EFEMP2: variants seen among roughly 807,000 people sequenced by gnomAD.
EFEMP2 encodes EGF-containing fibulin-like extracellular matrix protein 2.
In EFEMP2, 21 loss-of-function variants were observed where a neutral mutation model predicts 55.3. The observed-to-expected ratio is 0.38, with a 90% CI of 0.27 to 0.55. The LOEUF (loss-of-function observed/expected upper bound fraction) is 0.55. Among genes scored for constraint, EFEMP2 ranks in the 20% least tolerant of loss-of-function variants. The pLI, the probability that EFEMP2 is intolerant of heterozygous loss-of-function variation, is 0.77. For missense variants in EFEMP2, 513 were observed against 615.1 expected, an observed-to-expected ratio of 0.83 and a Z score of 1.76; for synonymous variants, 275 against 242.3, an observed-to-expected ratio of 1.14 and a Z score of -1.25.
intron 3 of EFEMP2, chr11:65,871,609 G>A (rs1053854833): frequency 6.7e-6 from 4 of 601,402 alleles, no homozygotes; most frequent in Non-Finnish European, 1.2e-5. Flanking sequence ...CCCTCCCCAC[G>A]GCCCTAGCCC....
intron 7 of EFEMP2, chr11:65,869,162 G>A: frequency 4.6e-6 from 1 of 218,838 alleles, no homozygotes; most frequent in South Asian, 6.9e-5. Flanking sequence ...TTTACAGGGT[G>A]TAAGAAGTCT....
At chr11:65,868,740 C>T in intron 7 of EFEMP2, 111 bp from the exon 8 acceptor site, 2 of 1,461,622 alleles carry the variant, frequency 1.4e-6, no homozygotes, top group South Asian at 2.4e-5. Flanking sequence ...TGTAGGAAGA[C>T]AGAGGGGGAT....
At chr11:65,867,566 C>G (rs1859876269) in intron 10 of EFEMP2, 1 of 489,650 alleles carries the variant, frequency 2.0e-6, no homozygotes, top group African/African-American at 1.9e-5. Flanking sequence ...AGTGGACTTT[C>G]TGACCCCAGG....
rs1350365370 is a variant in EFEMP2 at position 65,866,855 on chromosome 11, C to G, written c.*63G>C. On this transcript the variant is annotated 3_prime_UTR_variant, in exon 11 of 11. Coordinates refer to ENST00000307998, the MANE Select transcript of EFEMP2 (RefSeq NM_016938.5). Reference sequence around the variant, plus strand: ...TTCTCCCTTTATTGCCTTTCTCATTCTGCCCCTCACAACAGGCTCCTCAGC... The same window carrying G: ...TTCTCCCTTTATTGCCTTTCTCATTGTGCCCCTCACAACAGGCTCCTCAGC... 3 of 1,593,454 alleles carry G rather than the reference C, an allele frequency of 1.9e-6. No individual in the cohort carries two copies. Among genetic ancestry groups the G allele is most frequent in the Admixed American group, 1.7e-5 (1 of 59,428 alleles).
At chr11:65,869,833 A>C (rs1477081697) in intron 7 of EFEMP2, 24 bp downstream of exon 7, 2 of 1,613,274 alleles carry the variant, frequency 1.2e-6, no homozygotes, top group Non-Finnish European at 1.7e-6. Flanking sequence ...ACAGAGGAGT[A>C]CACAGCAGGG....
At position 65,870,159 on chromosome 11, in the gene EFEMP2, G is replaced by A. The variant is rs562466098; in HGVS notation, c.569C>T (p.Pro190Leu). The A allele has an allele frequency of 7.4e-6, 12 of 1,613,832 alleles. No individual in the cohort carries two copies. The highest frequency in any genetic ancestry group is 4.4e-5 in the South Asian group (4 of 91,070). ...GTTGTTAGGCCCCAGCTGGAAGCCC[G>A]GCTCGCACTGGCAGCGGAAGGAGCC... ...LPGSFRCQCEPGFQLGPNNRS... is the reference protein window; with the variant it reads ...LPGSFRCQCELGFQLGPNNRS... Residue 190 changes from proline (P) to leucine (L), a missense_variant, in exon 6 of 11, where the codon CCG (proline) becomes CTG (leucine). Transcript: ENST00000307998.
chr11:65,871,555 T>C, intron 3 of EFEMP2, 192 bp from the exon 4 acceptor site: 1 of 627,198 alleles, frequency 1.6e-6, no homozygotes, highest in Admixed American at 2.6e-5. Context: ...GGGGCAGCTG[T>C]TCCCACTGTT....
chr11:65,868,764 A>G (rs903410493), intron 7 of EFEMP2, 135 bp from the exon 8 acceptor site: 4 of 1,298,690 alleles, frequency 3.1e-6, no homozygotes, highest in African/African-American at 2.9e-5. Flanking sequence ...ACAAGCCACA[A>G]GTTCAGCCGG....
intron 5 of EFEMP2, 86 bp from the exon 6 acceptor site, chr11:65,870,323 C>A: frequency 6.9e-7 from 1 of 1,458,270 alleles, no homozygotes; most frequent in Non-Finnish European, 9.6e-7. Flanking sequence ...AAGGCTTCAC[C>A]ACCCATAATC....
At chr11:65,870,460 T>C (rs967339865) in intron 5 of EFEMP2, 76 bp downstream of exon 5, 10 of 1,600,444 alleles carry the variant, frequency 6.2e-6, no homozygotes, top group Admixed American at 1.7e-5. Context: ...CTGGCTTGAA[T>C]GGGGGTCAGG....
rs1305096184 is a variant in EFEMP2 at position 65,871,432 on chromosome 11, C to T, written c.161-69G>A. On this transcript the variant is annotated intron_variant, in intron 3 of 10. Coordinates refer to ENST00000307998, the MANE Select transcript of EFEMP2 (RefSeq NM_016938.5). ...GCCCTGGAGGGAGCGGAGGCAGGAA[C>T]CCAGCTCGGCCTTCTCTGAGATGTG... is the stretch of plus-strand genomic sequence containing the variant. The T allele has an allele frequency of 2.8e-6, 4 of 1,443,680 alleles. No individual in the cohort carries two copies. The East Asian group carries it at 6.8e-5, about 25-fold the overall frequency. The allele number at this position is 1,443,680 out of a possible 1,614,324, so 89.4% of individuals were successfully genotyped here. A position where few individuals can be genotyped will look rare whatever the true frequency, so the allele number is the denominator to read the frequency against.
chr11:65,869,557 T>G (rs972579113), intron 7 of EFEMP2: 2 of 438,718 alleles, frequency 4.6e-6, no homozygotes, highest in African/African-American at 4.0e-5. Flanking sequence ...AGGAGTGACT[T>G]GTCCTAGTGC....
Position 65,867,038 on chromosome 11 carries a change from C to CG in EFEMP2, c.1211dup (p.Val405GlyfsTer53), listed in dbSNP as rs1565272114. On this transcript the variant is annotated frameshift_variant, in exon 11 of 11. Transcript: ENST00000307998. LOFTEE classifies it high-confidence loss of function. ...GCACGTACTCCCGGGGGCCCGTCAC[C>CG]GGCCGGGCGAGGACCAGCATGGCGC... 1 of 1,614,050 alleles carries CG rather than the reference C, an allele frequency of 6.2e-7. No homozygotes were observed. Among genetic ancestry groups the CG allele is most frequent in the African/African-American group, 1.3e-5 (1 of 74,926 alleles).
At position 65,866,970 on chromosome 11, in the gene EFEMP2, C is replaced by T. The variant is rs766995796; in HGVS notation, c.1280G>A (p.Arg427Gln). ...MVTMNSLMSY[R>Q]ASSVLRLTVF... ...GGTGAGCCTCAGTACAGAGCTGGCC[C>T]GGTAGCTCATGAGGGAATTCATGGT... The change falls in exon 11 of 11, where the codon CGG (arginine) becomes CAG (glutamine). Residue 427 changes from arginine to glutamine, a missense_variant. Arg to Gln is a conservative substitution (Grantham distance 43). Transcript: ENST00000307998. 21 of 1,614,046 alleles carry T rather than the reference C, an allele frequency of 1.3e-5. No individual in the cohort carries two copies. Among genetic ancestry groups the T allele is most frequent in the Admixed American group, 1.2e-4 (7 of 60,004 alleles).
chr11:65,867,767 G>T, intron 10 of EFEMP2, 94 bp downstream of exon 10: 1 of 1,388,096 alleles, frequency 7.2e-7, no homozygotes, highest in Non-Finnish European at 1.0e-6. Context: ...TGGGGGAGGG[G>T]TGGGGCATAG....
chr11:65,866,655 G>T lies in EFEMP2; in HGVS notation c.*263C>A. On this transcript the variant is annotated 3_prime_UTR_variant, in exon 11 of 11. Transcript: ENST00000307998. ...CTCCTCGTTACCTCCTCTCCTCTCG[G>T]GGTGACTGAAGCTCGTGGTGCAGAG... 2 of 703,756 alleles carry T rather than the reference G, an allele frequency of 2.8e-6. No individual in the cohort carries two copies. Among genetic ancestry groups the T allele is most frequent in the Admixed American group, 2.0e-5 (1 of 50,010 alleles). The allele number at this position is 703,756 out of a possible 1,614,324, so 43.6% of individuals were successfully genotyped here.
In EFEMP2 at chr11:65,871,109, G is replaced by A. The variant is rs368858643; in HGVS notation, c.367+48C>T. On this transcript the variant is annotated intron_variant, in intron 4 of 10. Transcript: ENST00000307998. ...GGAACATGAGGTCTGAGTTTAAGAC[G>A]CCTGGTGAGAGGACTGGAAGCCAGG... is the stretch of plus-strand genomic sequence containing the variant. 8.1e-6 allele frequency: 13 copies of A among 1,603,692 alleles called. 1 individual carries two copies. Among genetic ancestry groups the A allele is most frequent in the South Asian group, 4.4e-5 (4 of 90,752 alleles).
At chr11:65,868,827 C>G in intron 7 of EFEMP2, 198 bp from the exon 8 acceptor site, 3 of 661,114 alleles carry the variant, frequency 4.5e-6, no homozygotes, top group Non-Finnish European at 5.2e-6. Flanking sequence ...TCACAGACTT[C>G]TCTCTGCCCA....
Position 65,867,189 on chromosome 11 carries a change from G to A in EFEMP2, c.1171-110C>T, listed in dbSNP as rs550766297. 6 of 1,385,358 alleles carry A rather than the reference G, an allele frequency of 4.3e-6. No individual in the cohort carries two copies. In the East Asian group the frequency reaches 1.2e-4, roughly 27 times the overall value. The allele number at this position is 1,385,358 out of a possible 1,614,324, so 85.8% of individuals were successfully genotyped here. On this transcript the variant is annotated intron_variant, in intron 10 of 10. Transcript: ENST00000307998. ...GGCCGTGAGGCAGAGGAACAGCCCT[G>A]GCCAGGCTGCCACCCCAGCCTCTCA...
Sources: gnomAD v4.1 joint callset for allele counts on GRCh38, gnomAD v4.1.1 for gene constraint, MANE v1.5 for transcripts, NCBI Gene and HGNC (gene_info 2026-07-23, HGNC 2026-07-21) for gene names.